Variants in FMO3 observed in about 807,000 individuals in gnomAD.
FMO3 encodes flavin-containing monooxygenase 3.
Under a neutral mutation model 39.4 loss-of-function variants are expected in FMO3, and 40 were observed. The ratio of observed to expected loss-of-function variants is 1.02; its 90% confidence interval spans 0.79 to 1.32. FMO3 has a LOEUF of 1.32. Ranked by LOEUF, FMO3 falls within the 40% of genes most tolerant of loss-of-function variation. FMO3 has a pLI of 0.00. For synonymous variants in FMO3, 219 were observed against 228.8 expected, an observed-to-expected ratio of 0.96 and a Z score of 0.39; for missense variants, 680 against 651.8, an observed-to-expected ratio of 1.04 and a Z score of -0.47.
At position 171,116,198 on chromosome 1, in the gene FMO3, T is replaced by A. The variant is rs201004840; in HGVS notation, c.1184-10T>A. The stretch of plus-strand genomic sequence containing the variant: ...CATTAATTACCATCGTGTCTTTCCT[T>A]CTTTATCAGGAACTTGTACTTTGCC... On this transcript the variant is annotated splice_polypyrimidine_tract_variant and intron_variant, in intron 7 of 8. Transcript: ENST00000367755. 1.9e-6 allele frequency: 3 copies of A among 1,575,626 alleles called. No homozygotes were observed. Among genetic ancestry groups the A allele is most frequent in the Non-Finnish European group, 2.6e-6 (3 of 1,145,466 alleles).
At chr1:171,093,446 G>C (rs574011085) in intron 2 of FMO3, among the ~76,000 whole-genome samples, 13 of 151,668 alleles carry the variant, frequency 8.6e-5, no homozygotes, top group African/African-American at 3.2e-4. Flanking sequence ...TGTTGCTGCA[G>C]AAGACATAAT....
At chr1:171,112,543 G>A (rs1402865023) in intron 6 of FMO3, among the ~76,000 whole-genome samples, 1 of 152,146 alleles carries the variant, frequency 6.6e-6, no homozygotes, top group African/African-American at 2.4e-5. Flanking sequence ...GAGAGAGCAA[G>A]GAGGGAGTAA....
At chr1:171,096,067 T>C (rs1557933316) in intron 2 of FMO3, among the ~76,000 whole-genome samples, 2 of 64,316 alleles carry the variant, frequency 3.1e-5, no homozygotes, top group African/African-American at 1.7e-4. Context: ...ATATATATTA[T>C]ATATTAATAT....
chr1:171,101,180 C>T (rs1288769204), intron 2 of FMO3: 8 of 456,120 alleles, frequency 1.8e-5, no homozygotes, highest in Admixed American at 9.4e-5. Flanking sequence ...AATGGATTCT[C>T]TCCTGGAGCC....
At position 171,110,841 on chromosome 1, in the gene FMO3, TC is replaced by T; in HGVS notation, c.672del (p.Trp225GlyfsTer33). 6.2e-7 allele frequency: 1 copy of T among 1,613,932 alleles called. No homozygotes were observed. Among genetic ancestry groups the T allele is most frequent in the Non-Finnish European group, 8.5e-7 (1 of 1,179,912 alleles). ...AGTGGCTCCTGGGTGATGAGCCGGG[TC>T]TGGGACAATGGTTATCCTTGGGACA... is the stretch of plus-strand genomic sequence containing the variant. Reference protein sequence around the residue: ...SRSGSWVMSRVWDNGYPWDML... With the variant: ...SRSGSWVMSRXWDNGYPWDML... On this transcript the variant is annotated frameshift_variant, in exon 6 of 9. Transcript: ENST00000367755. LOFTEE classifies it high-confidence loss of function.
intron 1 of FMO3, among the ~76,000 whole-genome samples, chr1:171,092,192 G>C (rs1017564279): frequency 6.6e-6 from 1 of 152,074 alleles, no homozygotes; most frequent in Non-Finnish European, 1.5e-5. Flanking sequence ...AGAAATTAGA[G>C]AGAAATGAAA....
At chr1:171,096,928 T>C (rs1411447558) in intron 2 of FMO3, among the ~76,000 whole-genome samples, 1 of 151,554 alleles carries the variant, frequency 6.6e-6, no homozygotes, top group African/African-American at 2.4e-5. Context: ...CTCCTAATGC[T>C]ATCCCTCCCC....
intron 2 of FMO3, among the ~76,000 whole-genome samples, chr1:171,094,183 C>G (rs985104608): frequency 6.6e-6 from 1 of 151,910 alleles, no homozygotes; most frequent in Non-Finnish European, 1.5e-5. Context: ...TATTTTATTG[C>G]GGTTTTAATT....
chr1:171,107,945 T>C, intron 4 of FMO3, 108 bp downstream of exon 4: 37 of 1,359,230 alleles, frequency 2.7e-5, no homozygotes, highest in Non-Finnish European at 3.9e-5. Context: ...AATATACTTC[T>C]GTTATATCTA....
chr1:171,093,896 G>A lies in FMO3; in HGVS notation c.132+1106G>A, dbSNP rs139000816. Among the ~76,000 whole-genome samples the A allele has an allele frequency of 6.7e-3, 916 of 135,734 alleles. 11 individuals carry two copies. The highest frequency in any genetic ancestry group is 0.021 in the African/African-American group (769 of 36,204). The allele number at this position is 135,734 out of a possible 152,430, so 89.0% of individuals were successfully genotyped here. A position where few individuals can be genotyped will look rare whatever the true frequency, so the allele number is the denominator to read the frequency against. ...GTCTCCCAGGCTGGAGGGCAGTGGC[G>A]CCATCTCAGTTCACTGCAGCCTCCA... On this transcript the variant is annotated intron_variant, in intron 2 of 8. Transcript: ENST00000367755.
chr1:171,095,798 TATAA>T lies in FMO3; in HGVS notation c.132+3012_132+3015del, dbSNP rs990600622. Among the ~76,000 whole-genome samples, 21 of 127,852 alleles carry T rather than the reference TATAA, an allele frequency of 1.6e-4. No homozygotes were observed. The South Asian group carries it at 3.5e-3, about 22-fold the overall frequency. 83.9% of individuals were successfully genotyped at this position (127,852 alleles called of 152,430 possible). ...ATTTATATATTAAATATATAAAAAA[TATAA>T]ATATATATTTATATAACTATATAGA... On this transcript the variant is annotated intron_variant, in intron 2 of 8. Coordinates refer to ENST00000367755, the MANE Select transcript of FMO3 (RefSeq NM_001002294.3).
chr1:171,096,080 A>ATATATATAATATAT (rs1557933411), intron 2 of FMO3, among the ~76,000 whole-genome samples: 1 of 69,210 alleles, frequency 1.4e-5, no homozygotes, highest in Non-Finnish European at 2.5e-5. Flanking sequence ...ATTAATATAT[A>ATATATATAATATAT]ATATATATTA....
chr1:171,096,617 C>T (rs1206668415), intron 2 of FMO3, among the ~76,000 whole-genome samples: 2 of 112,784 alleles, frequency 1.8e-5, no homozygotes, highest in Non-Finnish European at 3.5e-5. Context: ...ATATTAAATA[C>T]ATAATATACT....
chr1:171,110,345 C>T (rs775350901), intron 5 of FMO3, among the ~76,000 whole-genome samples: 2 of 152,186 alleles, frequency 1.3e-5, no homozygotes, highest in African/African-American at 4.8e-5. Context: ...TATTAGTCAC[C>T]TGTAGCAGAG....
At chr1:171,110,152 A>T (rs1655841771) in intron 5 of FMO3, among the ~76,000 whole-genome samples, 1 of 152,208 alleles carries the variant, frequency 6.6e-6, no homozygotes. Flanking sequence ...TTTTCAAATC[A>T]CATCATTAAT....
chr1:171,107,772 T>C lies in FMO3; in HGVS notation c.419T>C (p.Phe140Ser), dbSNP rs768566952. The C allele has an allele frequency of 6.2e-6, 10 of 1,613,862 alleles. No individual in the cohort carries two copies. Among genetic ancestry groups the C allele is most frequent in the Admixed American group, 3.3e-5 (2 of 59,972 alleles). Residue 140 changes from phenylalanine (F) to serine (S), a missense_variant, in exon 4 of 9, where the codon TTT becomes TCT. Coordinates refer to ENST00000367755, the MANE Select transcript of FMO3 (RefSeq NM_001002294.3). ...GATGGTAAAAAAGAATCGGCTGTCT[T>C]TGATGCTGTAATGGTTTGTTCCGGA... ...ERDGKKESAV[F>S]DAVMVCSGHH... is the part of the protein sequence containing the mutation.
chr1:171,099,759 C>CTTTTTTTTTTTTTTTT (rs747274398), intron 2 of FMO3: 10 of 117,596 alleles, frequency 8.5e-5, no homozygotes, highest in Non-Finnish European at 1.2e-4. Context: ...CCATGTCTTT[C>CTTTTTTTTTTTTTTTT]TTTTTTTTTT....
At chr1:171,101,939 A>T (rs138773139) in intron 2 of FMO3, 1 of 351,598 alleles carries the variant, frequency 2.8e-6, no homozygotes, top group African/African-American at 2.2e-5. Flanking sequence ...TGGACTATGT[A>T]TCAATTTTTT....
At chr1:171,101,900 CCCT>C in intron 2 of FMO3, 2 of 353,946 alleles carry the variant, frequency 5.7e-6, no homozygotes, top group Non-Finnish European at 1.1e-5. Flanking sequence ...GGGAATACCT[CCCT>C]TTTTTAACTT....
Sources: gnomAD v4.1 joint callset for allele counts (sites outside exome capture counted in the v4.1 genomes callset) on GRCh38, gnomAD v4.1.1 for gene constraint, MANE v1.5 for transcripts, NCBI Gene and HGNC (gene_info 2026-07-23, HGNC 2026-07-21) for gene names.